Variants in WDR36 observed in about 807,000 individuals in gnomAD.
The protein encoded by WDR36 is WD repeat-containing protein 36.
WDR36 carries 63 observed loss-of-function variants against 112.7 expected under a neutral mutation model. The ratio of observed to expected loss-of-function variants is 0.56; its 90% CI spans 0.46 to 0.69. The LOEUF is 0.69. Among genes scored for constraint, WDR36 ranks in the 30% least tolerant of loss-of-function variants. The pLI is 0.00. For synonymous variants in WDR36, 410 were observed against 362.2 expected (o/e 1.13, Z -1.50); for missense variants, 1,226 against 1,070.3 (o/e 1.15, Z -2.03).
At chr5:111,093,764 T>G (rs1430872097) in intron 1 of WDR36, among the ~76,000 whole-genome samples, 2 of 152,212 alleles carry the variant, frequency 1.3e-5, no homozygotes, top group Admixed American at 1.3e-4. Flanking sequence ...CAGACACAGG[T>G]GTTTTTCCCT....
At chr5:111,122,844 C>T (rs919002043) in intron 19 of WDR36, among the ~76,000 whole-genome samples, 4 of 152,208 alleles carry the variant, frequency 2.6e-5, no homozygotes, top group Admixed American at 6.5e-5. Flanking sequence ...AGGTGGGGCA[C>T]GGTGGCGCAC....
chr5:111,092,766 T>A, intron 1 of WDR36, 148 bp downstream of exon 1: 1 of 1,131,010 alleles, frequency 8.8e-7, no homozygotes, highest in Non-Finnish European at 1.3e-6. Context: ...CGCCATCCGG[T>A]CACGTCCACG....
At chr5:111,115,000 A>G (rs990395297) in intron 16 of WDR36, among the ~76,000 whole-genome samples, 6 of 151,906 alleles carry the variant, frequency 3.9e-5, no homozygotes, top group Admixed American at 1.3e-4. Context: ...TTGACTCAGC[A>G]TTAGCCTTTT....
At chr5:111,112,174 C>T (rs1753355513) in intron 15 of WDR36, among the ~76,000 whole-genome samples, 4 of 151,980 alleles carry the variant, frequency 2.6e-5, no homozygotes, top group Admixed American at 2.6e-4. Context: ...TTGAAAACAT[C>T]TGTCAGTGTC....
chr5:111,098,928 T>A (rs984546964), intron 4 of WDR36, 89 bp downstream of exon 4: 11 of 972,670 alleles, frequency 1.1e-5, no homozygotes, highest in Non-Finnish European at 1.8e-5. Flanking sequence ...ATGCCAGAGA[T>A]TTTGCCTGTA....
chr5:111,120,462 T>A (rs762045336), intron 17 of WDR36, 34 bp from the exon 18 acceptor site: 3 of 1,538,584 alleles, frequency 1.9e-6, no homozygotes, highest in Non-Finnish European at 2.7e-6. Flanking sequence ...CTTTTTATAA[T>A]TTTTAAAATA....
intron 10 of WDR36, 137 bp from the exon 11 acceptor site, chr5:111,105,920 A>T (rs947903950): frequency 1.5e-6 from 1 of 676,312 alleles, no homozygotes; most frequent in South Asian, 1.8e-5. Flanking sequence ...AGTGGTAATA[A>T]CATCTTTGTT....
chr5:111,107,878 A>G (rs922228237), intron 12 of WDR36, among the ~76,000 whole-genome samples: 3 of 151,238 alleles, frequency 2.0e-5, no homozygotes, highest in Non-Finnish European at 4.4e-5. Flanking sequence ...CACTGTCTTG[A>G]TTTTGATAGC....
At chr5:111,108,248 TTTTTGTTTTG>T (rs539198959) in intron 12 of WDR36, among the ~76,000 whole-genome samples, 3 of 151,042 alleles carry the variant, frequency 2.0e-5, no homozygotes, top group Non-Finnish European at 3.0e-5. Context: ...TTTTGTTTTG[TTTTTGTTTTG>T]TTTTGTTTTG....
At chr5:111,120,248 T>C (rs1294785093) in intron 17 of WDR36, among the ~76,000 whole-genome samples, 1 of 152,170 alleles carries the variant, frequency 6.6e-6, no homozygotes, top group Non-Finnish European at 1.5e-5. Context: ...AAAATTATTA[T>C]CTACTACTGG....
At chr5:111,106,279 C>T (rs1753219989) in intron 11 of WDR36, 136 bp downstream of exon 11, 1 of 793,022 alleles carries the variant, frequency 1.3e-6, no homozygotes, top group South Asian at 1.5e-5. Flanking sequence ...CAGGTGCATG[C>T]TGGTCTTGTG....
chr5:111,104,233 C>A lies in WDR36; in HGVS notation c.787C>A (p.Leu263Ile), dbSNP rs1303238140. Residue 263 changes from leucine to isoleucine, a missense_variant, in exon 8 of 23, where the codon CTA becomes ATA. Physicochemically the swap from Leu to Ile is conservative, Grantham distance 5. Coordinates refer to ENST00000513710, the MANE Select transcript of WDR36 (RefSeq NM_139281.3). Reference sequence around the variant, plus strand: ...ATGTGGCCATATTGGACTCTGGGATCTAGAAGACAAAAAATTAATCAACCA... The same window carrying A: ...ATGTGGCCATATTGGACTCTGGGATATAGAAGACAAAAAATTAATCAACCA... The part of the protein sequence containing the change: ...SPCGHIGLWD[L>I]EDKKLINQMR... 6.2e-7 allele frequency: 1 copy of A among 1,611,834 alleles called. No homozygotes were observed. Among genetic ancestry groups the A allele is most frequent in the Non-Finnish European group, 8.5e-7 (1 of 1,178,520 alleles).
chr5:111,120,996 A>G lies in WDR36; in HGVS notation c.2003A>G (p.Asp668Gly), dbSNP rs772434572. The G allele has an allele frequency of 1.0e-4, 167 of 1,612,390 alleles. 1 individual carries two copies. The highest frequency in any genetic ancestry group is 1.3e-4 in the Non-Finnish European group (159 of 1,179,076). ...VMLPGTCQTQ[D>G]VEVSEETVEP... is the part of the protein sequence containing the mutation. ...GTTTTACCTGAAAAATTTTTTTAAG[A>G]TGTAGAAGTATCAGAAGAAACAGTA... is the stretch of plus-strand genomic sequence containing the variant. Residue 668 changes from aspartate to glycine, a missense_variant and splice_region_variant, in exon 19 of 23, where the codon GAT (aspartate) becomes GGT (glycine). By Grantham distance (94) the Asp-to-Gly change is moderately conservative. Transcript: ENST00000513710.
chr5:111,121,513 C>A (rs2112589094), intron 19 of WDR36, among the ~76,000 whole-genome samples: 2 of 152,196 alleles, frequency 1.3e-5, no homozygotes, highest in Middle Eastern at 3.4e-3. Flanking sequence ...ATTTGAGAAC[C>A]AGAGAAATTC....
chr5:111,124,317 G>A, intron 21 of WDR36, 128 bp downstream of exon 21: 5 of 818,702 alleles, frequency 6.1e-6, no homozygotes, highest in Non-Finnish European at 9.1e-6. Flanking sequence ...TTGAAATTTT[G>A]GTTTTAATTT....
At chr5:111,125,168 G>T (rs112022044) in intron 21 of WDR36, among the ~76,000 whole-genome samples, 2,963 of 152,192 alleles carry the variant, frequency 0.019, 87 homozygotes, top group African/African-American at 0.069. Flanking sequence ...TAATGATTAT[G>T]TACTTTTATA....
chr5:111,097,401 A>G (rs1394002150), intron 3 of WDR36, among the ~76,000 whole-genome samples: 2 of 152,186 alleles, frequency 1.3e-5, no homozygotes, highest in East Asian at 3.8e-4. Flanking sequence ...TGAATATCAA[A>G]ATTACTTGGA....
intron 15 of WDR36, among the ~76,000 whole-genome samples, chr5:111,112,645 G>A (rs889377951): frequency 1.3e-5 from 2 of 151,802 alleles, no homozygotes; most frequent in East Asian, 3.9e-4. Flanking sequence ...AATTTATTTT[G>A]AAAATCTGAT....
chr5:111,105,913 G>A (rs917774630), intron 10 of WDR36, 144 bp from the exon 11 acceptor site: 10 of 653,672 alleles, frequency 1.5e-5, no homozygotes, highest in Admixed American at 5.5e-5. Flanking sequence ...AAATAACAGT[G>A]GTAATAACAT....
Sources: allele counts gnomAD v4.1 joint callset (sites outside exome capture counted in the v4.1 genomes callset), GRCh38; gene constraint gnomAD v4.1.1; transcripts MANE v1.5; gene names NCBI Gene and HGNC (gene_info 2026-07-23, HGNC 2026-07-21).